Variants in LIN52 observed in about 807,000 individuals in gnomAD.
LIN52 encodes protein lin-52 homolog.
In LIN52, 4 loss-of-function variants were observed where a neutral mutation model predicts 18.5. The ratio of observed to expected loss-of-function variants is 0.22; its 90% CI spans 0.11 to 0.49. The LOEUF (loss-of-function observed/expected upper bound fraction) is 0.49. Among genes scored for constraint, LIN52 ranks in the 20% least tolerant of loss-of-function variants. The probability of loss-of-function intolerance (pLI) is 0.97; values close to 1 mark genes in which losing one functional copy is unlikely to be tolerated. For synonymous variants in LIN52, 34 were observed against 45.5 expected (o/e 0.75, Z 1.02); for missense variants, 102 against 139.5 (o/e 0.73, Z 1.35).
At chr14:74,123,830 G>A (rs544246130) in intron 5 of LIN52, among the ~76,000 whole-genome samples, 8 of 152,306 alleles carry the variant, frequency 5.3e-5, no homozygotes, top group African/African-American at 1.9e-4. Flanking sequence ...TGCCATGTGA[G>A]TATAAAGAAA....
chr14:74,100,949 A>C (rs2139876363), intron 4 of LIN52, among the ~76,000 whole-genome samples: 1 of 152,260 alleles, frequency 6.6e-6, no homozygotes, highest in East Asian at 1.9e-4. Flanking sequence ...TTAAGTGGGT[A>C]AGCTTATCTG....
At chr14:74,143,837 G>A (rs2061142988) in intron 5 of LIN52, among the ~76,000 whole-genome samples, 1 of 152,038 alleles carries the variant, frequency 6.6e-6, no homozygotes, top group African/African-American at 2.4e-5. Context: ...ATACCTTACT[G>A]TTAACTAGTC....
At chr14:74,189,903 T>TATTA (rs1335081397) in intron 5 of LIN52, among the ~76,000 whole-genome samples, 2 of 152,210 alleles carry the variant, frequency 1.3e-5, no homozygotes, top group Non-Finnish European at 2.9e-5. Context: ...TTCTTTTTCA[T>TATTA]ATTACTTCTT....
chr14:74,109,439 C>G (rs899501493), intron 5 of LIN52, among the ~76,000 whole-genome samples: 51 of 152,240 alleles, frequency 3.3e-4, no homozygotes, highest in Admixed American at 2.2e-3. Flanking sequence ...GCACTCCAGC[C>G]TGGGCTATAG....
At chr14:74,139,483 C>T (rs1361983132) in intron 5 of LIN52, among the ~76,000 whole-genome samples, 2 of 152,140 alleles carry the variant, frequency 1.3e-5, no homozygotes, top group Non-Finnish European at 2.9e-5. Flanking sequence ...TTTGGTGCTC[C>T]ATAAATGGGT....
At chr14:74,132,245 G>A (rs1301489388) in intron 5 of LIN52, among the ~76,000 whole-genome samples, 2 of 152,098 alleles carry the variant, frequency 1.3e-5, no homozygotes, top group Non-Finnish European at 2.9e-5. Flanking sequence ...TAATCCAGGG[G>A]TTTCATTGCC....
chr14:74,165,233 C>A (rs2061243197), intron 5 of LIN52, among the ~76,000 whole-genome samples: 1 of 151,912 alleles, frequency 6.6e-6, no homozygotes, highest in African/African-American at 2.4e-5. Flanking sequence ...AGATAGGATG[C>A]ATGTCATGTG....
At chr14:74,130,002 A>C (rs1334455554) in intron 5 of LIN52, among the ~76,000 whole-genome samples, 1 of 152,138 alleles carries the variant, frequency 6.6e-6, no homozygotes, top group Non-Finnish European at 1.5e-5. Context: ...GCGGCAGGCA[A>C]AAAGAGAGCT....
intron 1 of LIN52, 32 bp from the exon 2 acceptor site, chr14:74,091,200 T>G (rs762367707): frequency 7.3e-6 from 11 of 1,512,264 alleles, no homozygotes; most frequent in Non-Finnish European, 1.0e-5. Flanking sequence ...GTGTTTCCTG[T>G]CTTCTTGGTT....
chr14:74,130,278 G>T lies in LIN52; in HGVS notation c.283+29040G>T, dbSNP rs11623309. ...GAATTTATTAGATAGGCATTTTTTG[G>T]TTTTTTTTTTTTTTTTTTGAGACAG... On this transcript the variant is annotated intron_variant, in intron 5 of 5. Transcript: ENST00000555028. 3.3e-3 allele frequency among the ~76,000 whole-genome samples: 211 copies of T among 64,626 alleles called. 5 individuals carry two copies. The Middle Eastern group carries it at 0.034, about 10-fold the overall frequency. 42.4% of individuals were successfully genotyped at this position (64,626 alleles called of 152,430 possible).
chr14:74,110,266 C>T (rs2060918563), intron 5 of LIN52, among the ~76,000 whole-genome samples: 2 of 152,148 alleles, frequency 1.3e-5, no homozygotes, highest in Non-Finnish European at 2.9e-5. Context: ...CAACATTTCA[C>T]TGTAAAAAGA....
chr14:74,113,412 A>G (rs2060942146), intron 5 of LIN52, among the ~76,000 whole-genome samples: 1 of 152,182 alleles, frequency 6.6e-6, no homozygotes, highest in African/African-American at 2.4e-5. Context: ...AAGGAAGGAA[A>G]GAAAGAAAAC....
chr14:74,178,997 G>A (rs2061305042), intron 5 of LIN52, among the ~76,000 whole-genome samples: 1 of 151,872 alleles, frequency 6.6e-6, no homozygotes, highest in South Asian at 2.1e-4. Context: ...TGAGGTGAGA[G>A]GACCACTTGA....
intron 5 of LIN52, among the ~76,000 whole-genome samples, chr14:74,172,189 TC>T (rs1196994487): frequency 3.3e-5 from 5 of 152,226 alleles, no homozygotes; most frequent in African/African-American, 1.2e-4. Context: ...TACAGCACTG[TC>T]ATATTATATT....
intron 5 of LIN52, among the ~76,000 whole-genome samples, chr14:74,121,895 G>A (rs148673946): frequency 0.01 from 1,556 of 151,946 alleles, 31 homozygotes; most frequent in African/African-American, 0.036. Context: ...GCTAATTTTT[G>A]GATTTTTAGT....
At chr14:74,183,808 C>A (rs765087403) in intron 5 of LIN52, among the ~76,000 whole-genome samples, 27 of 152,272 alleles carry the variant, frequency 1.8e-4, no homozygotes, top group South Asian at 6.2e-4. Flanking sequence ...TCATACATAT[C>A]TCTAACCAGA....
intron 5 of LIN52, among the ~76,000 whole-genome samples, chr14:74,108,571 A>G (rs1370314090): frequency 6.6e-6 from 1 of 152,014 alleles, no homozygotes; most frequent in East Asian, 1.9e-4. Context: ...TTTTTTAATT[A>G]TTATCATGTC....
chr14:74,154,933 A>C (rs953670050), intron 5 of LIN52, among the ~76,000 whole-genome samples: 1 of 152,208 alleles, frequency 6.6e-6, no homozygotes, highest in Non-Finnish European at 1.5e-5. Flanking sequence ...CTTTTCTGCC[A>C]ATCAAAAAGC....
intron 5 of LIN52, among the ~76,000 whole-genome samples, chr14:74,167,737 T>C (rs962245233): frequency 5.9e-5 from 9 of 152,208 alleles, no homozygotes; most frequent in Non-Finnish European, 1.2e-4. Context: ...GGTCTCACTA[T>C]GTTGCCTAGG....
Sources: gnomAD v4.1 joint callset for allele counts (sites outside exome capture counted in the v4.1 genomes callset) on GRCh38, gnomAD v4.1.1 for gene constraint, MANE v1.5 for transcripts, NCBI Gene and HGNC (gene_info 2026-07-23, HGNC 2026-07-21) for gene names.